NAALADL2: variants seen among roughly 807,000 people sequenced by gnomAD.
NAALADL2 encodes N-acetylated alpha-linked acidic dipeptidase like 2.
In NAALADL2, 76 loss-of-function variants were observed where a neutral mutation model predicts 87.2. That is an observed-to-expected ratio of 0.87 (90% CI 0.72 to 1.05). NAALADL2 has a LOEUF of 1.05. Among genes scored for constraint, NAALADL2 ranks in the 50% least tolerant of loss-of-function variants. The probability of loss-of-function intolerance (pLI) is 0.00; values close to 1 mark genes in which losing one functional copy is unlikely to be tolerated. For missense variants in NAALADL2, 1,089 were observed against 945.8 expected (o/e 1.15, Z -1.99); for synonymous variants, 354 against 331.0 (o/e 1.07, Z -0.75).
chr3:174,597,790 C>T (rs1432841329), intron 2 of NAALADL2, among the ~76,000 whole-genome samples: 1 of 152,090 alleles, frequency 6.6e-6, no homozygotes, highest in Admixed American at 6.6e-5. Flanking sequence ...GCTATTCACC[C>T]ACTTATTTTA....
chr3:174,924,194 A>G (rs566051345), intron 1 of NAALADL2, among the ~76,000 whole-genome samples: 111 of 145,608 alleles, frequency 7.6e-4, no homozygotes, highest in African/African-American at 2.6e-3. Flanking sequence ...TATGTCTCCT[A>G]ATGCTATCCC....
intron 2 of NAALADL2, among the ~76,000 whole-genome samples, chr3:175,204,460 T>C (rs1301747060): frequency 6.6e-6 from 1 of 152,144 alleles, no homozygotes; most frequent in Non-Finnish European, 1.5e-5. Flanking sequence ...AAAATCCATC[T>C]ATGACAAACC....
intron 1 of NAALADL2, among the ~76,000 whole-genome samples, chr3:175,077,839 A>T (rs192281318): frequency 3.7e-3 from 557 of 152,188 alleles, no homozygotes; most frequent in Non-Finnish European, 4.3e-3. Context: ...AGAAGAAGGA[A>T]TCTTTACCAA....
intron 1 of NAALADL2, among the ~76,000 whole-genome samples, chr3:175,026,802 T>A (rs1325381533): frequency 2.6e-5 from 4 of 152,048 alleles, no homozygotes; most frequent in Admixed American, 1.3e-4. Flanking sequence ...GCAGCCCACA[T>A]AAGGAACATG....
chr3:174,513,744 TA>T, intron 1 of NAALADL2, among the ~76,000 whole-genome samples: 1 of 152,268 alleles, frequency 6.6e-6, no homozygotes, highest in Admixed American at 6.5e-5. Flanking sequence ...ACAAAAGACA[TA>T]AAAAATTACA....
chr3:175,274,603 C>T (rs141767843), intron 4 of NAALADL2, among the ~76,000 whole-genome samples: 2,760 of 152,272 alleles, frequency 0.018, 62 homozygotes, highest in Admixed American at 0.069. Context: ...GAACCTAGTG[C>T]TCAATGGCTT....
intron 10 of NAALADL2, among the ~76,000 whole-genome samples, chr3:175,619,093 C>G (rs1378287758): frequency 6.6e-6 from 1 of 152,022 alleles, no homozygotes; most frequent in East Asian, 1.9e-4. Flanking sequence ...TAAATTTGTG[C>G]CAAGTGGCCC....
intron 11 of NAALADL2, among the ~76,000 whole-genome samples, chr3:175,735,899 C>G (rs1212474154): frequency 2.0e-5 from 3 of 152,142 alleles, no homozygotes; most frequent in Non-Finnish European, 4.4e-5. Flanking sequence ...TGCATTCTGT[C>G]TCAAGTTAGT....
At chr3:175,331,853 A>C (rs1305291974) in intron 5 of NAALADL2, among the ~76,000 whole-genome samples, 1 of 152,092 alleles carries the variant, frequency 6.6e-6, no homozygotes, top group Non-Finnish European at 1.5e-5. Context: ...AGCTAATAAA[A>C]CTCAAAAATC....
chr3:174,947,116 T>C (rs1392181972), intron 1 of NAALADL2, among the ~76,000 whole-genome samples: 1 of 152,170 alleles, frequency 6.6e-6, no homozygotes, highest in Non-Finnish European at 1.5e-5. Flanking sequence ...AACTTATCTA[T>C]AGTGCATTTA....
In NAALADL2 at chr3:175,105,594, C is replaced by T. The variant is rs115484858; in HGVS notation, c.545+8303C>T. 9.5e-3 allele frequency among the ~76,000 whole-genome samples: 1,392 copies of T among 147,208 alleles called. 7 individuals carry two copies. Among genetic ancestry groups the T allele is most frequent in the Non-Finnish European group, 0.015 (989 of 66,658 alleles). On this transcript the variant is annotated intron_variant, in intron 2 of 13. Transcript: ENST00000454872. ...TTCATACACACACACATACACAAAT[C>T]CTAATCCATGCTTTAGAAATTAAGC...
chr3:174,709,412 T>C (rs920536087), intron 2 of NAALADL2, among the ~76,000 whole-genome samples: 3 of 152,076 alleles, frequency 2.0e-5, no homozygotes, highest in African/African-American at 7.2e-5. Flanking sequence ...AACTGGCAAA[T>C]GATATAGTAA....
At chr3:175,474,794 T>C (rs1473505103) in intron 9 of NAALADL2, among the ~76,000 whole-genome samples, 1 of 152,104 alleles carries the variant, frequency 6.6e-6, no homozygotes, top group Non-Finnish European at 1.5e-5. Context: ...CTTTGAGTGC[T>C]CACCTTGTAT....
intron 3 of NAALADL2, among the ~76,000 whole-genome samples, chr3:174,807,221 C>T (rs1159889616): frequency 2.6e-5 from 4 of 151,684 alleles, no homozygotes; most frequent in Non-Finnish European, 4.4e-5. Context: ...TTTTTTTCTT[C>T]ATGAATATCA....
chr3:175,079,825 TACTC>T (rs1717389199), intron 1 of NAALADL2, among the ~76,000 whole-genome samples: 1 of 151,196 alleles, frequency 6.6e-6, no homozygotes, highest in African/African-American at 2.4e-5. Flanking sequence ...CGTAAACACA[TACTC>T]AAACAGTTAT....
chr3:174,882,827 A>G (rs560607560), intron 1 of NAALADL2, among the ~76,000 whole-genome samples: 2 of 145,726 alleles, frequency 1.4e-5, no homozygotes, highest in African/African-American at 2.6e-5. Flanking sequence ...GTGTATATAT[A>G]CACGTGTGTA....
At chr3:174,835,907 T>C (rs570941122) in intron 3 of NAALADL2, among the ~76,000 whole-genome samples, 2 of 152,294 alleles carry the variant, frequency 1.3e-5, no homozygotes, top group South Asian at 4.1e-4. Context: ...ATGGTGGAAA[T>C]GTTAAATGAT....
Position 175,803,190 on chromosome 3 carries a change from A to T in NAALADL2, c.2375A>T (p.Asp792Val), listed in dbSNP as rs773265062. The change falls in exon 14 of 14, where the codon GAT (aspartate) becomes GTT (valine). Residue 792 changes from aspartate (D) to valine (V), a missense_variant. Coordinates refer to ENST00000454872, the MANE Select transcript of NAALADL2 (RefSeq NM_207015.3). ...AGLDVFKSVL[D>V]GKN The stretch of plus-strand genomic sequence containing the variant: ...CTTGATGTGTTCAAGAGTGTCTTGG[A>T]TGGGAAGAATTGAGAAAACTCTGAG... The T allele has an allele frequency of 6.2e-7, 1 of 1,600,222 alleles. No individual in the cohort carries two copies. The highest frequency in any genetic ancestry group is 1.1e-5 in the South Asian group (1 of 89,696).
intron 3 of NAALADL2, among the ~76,000 whole-genome samples, chr3:174,738,540 G>A (rs973685192): frequency 1.3e-5 from 2 of 152,138 alleles, no homozygotes; most frequent in South Asian, 4.1e-4. Context: ...GTAGGCCTAC[G>A]GGGAAAGAGA....
Sources: gnomAD v4.1 joint callset for allele counts (sites outside exome capture counted in the v4.1 genomes callset) on GRCh38, gnomAD v4.1.1 for gene constraint, MANE v1.5 for transcripts, NCBI Gene and HGNC (gene_info 2026-07-23, HGNC 2026-07-21) for gene names.